SLC35G2: variants seen among roughly 807,000 people sequenced by gnomAD.
SLC35G2 encodes solute carrier family 35 member G2.
A neutral mutation model predicts 27.2 loss-of-function variants in SLC35G2; 20 were observed. That is an observed-to-expected ratio of 0.74 (90% CI 0.52 to 1.07). The LOEUF (loss-of-function observed/expected upper bound fraction) is 1.07, where lower values mean the gene tolerates loss of function less well. Ranked by LOEUF, SLC35G2 falls within the 50% of genes least tolerant of loss-of-function variation. The probability of loss-of-function intolerance (pLI) is 0.00; values close to 1 mark genes in which losing one functional copy is unlikely to be tolerated. For synonymous variants in SLC35G2, 148 were observed against 165.3 expected (o/e 0.90, Z 0.80); for missense variants, 416 against 493.3 (o/e 0.84, Z 1.48).
At chr3:136,851,296 C>T (rs1021839095) in intron 1 of SLC35G2, among the ~76,000 whole-genome samples, 5 of 151,514 alleles carry the variant, frequency 3.3e-5, no homozygotes, top group East Asian at 1.9e-4. Flanking sequence ...AGATCGAGAC[C>T]GTCCTGGCTA....
chr3:136,855,166 G>A lies in SLC35G2; in HGVS notation c.706G>A (p.Val236Ile). The A allele has an allele frequency of 6.2e-7, 1 of 1,614,120 alleles. No individual in the cohort carries two copies. The highest frequency in any genetic ancestry group is 8.5e-7 in the Non-Finnish European group (1 of 1,180,020). ...VVCSILGVCL[V>I]MIPNIVDEDN... ...TTGCAGCATCTTAGGTGTTTGTCTT[G>A]TCATGATCCCAAACATTGTTGATGA... Residue 236 changes from valine (V) to isoleucine (I), a missense_variant, in exon 2 of 2, where the codon GTC (valine) becomes ATC (isoleucine). Coordinates refer to ENST00000446465, the MANE Select transcript of SLC35G2 (RefSeq NM_025246.3).
chr3:136,829,390 T>A (rs954115672), intron 1 of SLC35G2, among the ~76,000 whole-genome samples: 9 of 152,024 alleles, frequency 5.9e-5, no homozygotes, highest in Non-Finnish European at 1.3e-4. Flanking sequence ...CCCGGCTAAT[T>A]TTTGTAGTTT....
intron 1 of SLC35G2, among the ~76,000 whole-genome samples, chr3:136,847,333 C>T (rs779232552): frequency 9.9e-5 from 15 of 152,152 alleles, no homozygotes; most frequent in Non-Finnish European, 2.1e-4. Flanking sequence ...ATGTAAGGCT[C>T]TCCCACATAA....
intron 1 of SLC35G2, among the ~76,000 whole-genome samples, chr3:136,836,315 C>T (rs961215529): frequency 2.0e-5 from 3 of 152,114 alleles, no homozygotes; most frequent in African/African-American, 7.2e-5. Context: ...CCATTATCCT[C>T]GATATATTTA....
chr3:136,839,991 C>T (rs1252774147), intron 1 of SLC35G2, among the ~76,000 whole-genome samples: 1 of 152,210 alleles, frequency 6.6e-6, no homozygotes, highest in African/African-American at 2.4e-5. Flanking sequence ...TACCATTCTC[C>T]TATAGCCTAG....
intron 1 of SLC35G2, among the ~76,000 whole-genome samples, chr3:136,823,016 A>T (rs1255808576): frequency 6.6e-6 from 1 of 152,174 alleles, no homozygotes; most frequent in Non-Finnish European, 1.5e-5. Flanking sequence ...GAACTAATTA[A>T]TAATCTCACC....
intron 1 of SLC35G2, among the ~76,000 whole-genome samples, chr3:136,853,172 T>TG (rs1937758575): frequency 6.6e-6 from 1 of 152,170 alleles, no homozygotes; most frequent in African/African-American, 2.4e-5. Flanking sequence ...CTTGGCTCAC[T>TG]GCAACCTCTG....
chr3:136,825,985 A>G (rs540396415), intron 1 of SLC35G2, among the ~76,000 whole-genome samples: 2 of 152,122 alleles, frequency 1.3e-5, no homozygotes, highest in South Asian at 2.1e-4. Context: ...TGCTTCCTTA[A>G]ATGTTTGGTA....
rs1376975545 is a variant in SLC35G2, at chr3:136,854,526, G to A, written c.66G>A (p.Val22=). ...GGGTGAAAATACATCCCAACACAGTGATGGTGAAATATACTTCTCATTATC... is the reference window on the plus strand; with the variant it reads ...GGGTGAAAATACATCCCAACACAGTAATGGTGAAATATACTTCTCATTATC... The part of the protein sequence containing the change: ...KKRVKIHPNT[V]MVKYTSHYPQ... Residue 22 remains valine, a synonymous_variant, in exon 2 of 2, where the codon GTG becomes GTA. Transcript: ENST00000446465. The A allele has an allele frequency of 1.9e-6, 3 of 1,607,630 alleles. No homozygotes were observed. The highest frequency in any genetic ancestry group is 1.7e-5 in the Admixed American group (1 of 58,710).
intron 1 of SLC35G2, chr3:136,838,388 ATGT>A (rs908986321): frequency 2.0e-5 from 3 of 151,858 alleles, no homozygotes; most frequent in Non-Finnish European, 4.4e-5. Flanking sequence ...AACCAATCAG[ATGT>A]TGTTAGGTTT....
Position 136,853,761 on chromosome 3 carries a change from T to C in SLC35G2, c.-18-682T>C, listed in dbSNP as rs1404166381. ...AAAAAGCATCTTGTGATCATCTCTT[T>C]AGCATAAAATCTTAAAAGTGGTATT... On this transcript the variant is annotated intron_variant, in intron 1 of 1. Coordinates refer to ENST00000446465, the MANE Select transcript of SLC35G2 (RefSeq NM_025246.3). 2.0e-5 allele frequency among the ~76,000 whole-genome samples: 3 copies of C among 152,162 alleles called. No homozygotes were observed. The East Asian group carries it at 5.8e-4, about 29-fold the overall frequency.
chr3:136,842,708 C>T (rs960528523), intron 1 of SLC35G2: 1 of 152,190 alleles, frequency 6.6e-6, no homozygotes, highest in Non-Finnish European at 1.5e-5. Context: ...AGTTCAGGAC[C>T]AAGTCATTAT....
chr3:136,828,863 T>G (rs1369224912), intron 1 of SLC35G2, among the ~76,000 whole-genome samples: 3 of 152,204 alleles, frequency 2.0e-5, no homozygotes, highest in Non-Finnish European at 2.9e-5. Context: ...TGTGGCATAT[T>G]TAATTTCTTG....
chr3:136,819,649 A>G (rs576265134), intron 1 of SLC35G2, 21 bp downstream of exon 1: 1 of 152,354 alleles, frequency 6.6e-6, no homozygotes, highest in South Asian at 2.1e-4. Flanking sequence ...GTGGCGTCAT[A>G]TGGGATCAAT....
chr3:136,837,143 AACAC>A (rs35792092), intron 1 of SLC35G2, among the ~76,000 whole-genome samples: 7 of 149,698 alleles, frequency 4.7e-5, no homozygotes, highest in African/African-American at 7.3e-5. Context: ...ACACACACAC[AACAC>A]ACACACACAC....
intron 1 of SLC35G2, among the ~76,000 whole-genome samples, chr3:136,840,050 C>T (rs887273235): frequency 3.3e-5 from 5 of 152,348 alleles, no homozygotes; most frequent in Non-Finnish European, 7.3e-5. Context: ...TACCTTGCTC[C>T]TCCCAACATT....
At chr3:136,825,651 G>A (rs1193675485) in intron 1 of SLC35G2, among the ~76,000 whole-genome samples, 1 of 152,174 alleles carries the variant, frequency 6.6e-6, no homozygotes. Flanking sequence ...AGCATTAATT[G>A]AAATGATTAT....
At chr3:136,832,514 T>C (rs914984739) in intron 1 of SLC35G2, among the ~76,000 whole-genome samples, 6 of 152,124 alleles carry the variant, frequency 3.9e-5, no homozygotes, top group African/African-American at 9.7e-5. Context: ...GCATAGTACT[T>C]GTTGTGTCTG....
At chr3:136,849,206 A>T (rs919813387) in intron 1 of SLC35G2, among the ~76,000 whole-genome samples, 1 of 151,918 alleles carries the variant, frequency 6.6e-6, no homozygotes, top group Admixed American at 6.6e-5. Context: ...ATATATACAC[A>T]CACACACACG....
Sources: allele counts gnomAD v4.1 joint callset (sites outside exome capture counted in the v4.1 genomes callset), GRCh38; gene constraint gnomAD v4.1.1; transcripts MANE v1.5; gene names NCBI Gene and HGNC (gene_info 2026-07-23, HGNC 2026-07-21).